The following GRIN2A variants were observed in gnomAD, a reference collection of about 807,000 sequenced individuals.
GRIN2A encodes the protein glutamate ionotropic receptor NMDA type subunit 2A.
In GRIN2A, 22 loss-of-function variants were observed where a neutral mutation model predicts 113.4. The ratio of observed to expected loss-of-function variants is 0.19; its 90% CI spans 0.14 to 0.28. The LOEUF is 0.28. GRIN2A is among the 10% of genes least tolerant of loss of function. The probability of loss-of-function intolerance (pLI) is 1.00; values close to 1 mark genes in which losing one functional copy is unlikely to be tolerated. For synonymous variants in GRIN2A, 827 were observed against 738.4 expected (o/e 1.12, Z -1.94); for missense variants, 1,502 against 1,887.0 (o/e 0.80, Z 3.78).
At chr16:10,057,108 T>C (rs1427346966) in intron 2 of GRIN2A, among the ~76,000 whole-genome samples, 4 of 151,582 alleles carry the variant, frequency 2.6e-5, no homozygotes, top group African/African-American at 9.8e-5. Flanking sequence ...TATCCACCCA[T>C]CCATCCATCA....
At position 9,974,258 on chromosome 16, in the gene GRIN2A, G is replaced by C. The variant is rs2045733121; in HGVS notation, c.415-35707C>G. Among the ~76,000 whole-genome samples, 5 of 152,168 alleles carry C rather than the reference G, an allele frequency of 3.3e-5. No individual in the cohort carries two copies. In the South Asian group the frequency reaches 1.0e-3, roughly 32 times the overall value. ...CAGTTAGCCTGGTGCCTAGGAACCA[G>C]ACCCAAAACCAAGGAACCAGACCCG... On this transcript the variant is annotated intron_variant, in intron 2 of 12. Coordinates refer to ENST00000330684, the MANE Select transcript of GRIN2A (RefSeq NM_001134407.3).
At chr16:10,012,576 C>T (rs1468431696) in intron 2 of GRIN2A, among the ~76,000 whole-genome samples, 1 of 152,168 alleles carries the variant, frequency 6.6e-6, no homozygotes, top group African/African-American at 2.4e-5. Flanking sequence ...TGTCCATGTC[C>T]TAATCCCTGG....
intron 2 of GRIN2A, among the ~76,000 whole-genome samples, chr16:9,940,982 G>A (rs1450002132): frequency 2.0e-5 from 3 of 152,072 alleles, no homozygotes; most frequent in African/African-American, 4.8e-5. Flanking sequence ...CTTGGGATGG[G>A]GCAAAAATGT....
At chr16:9,912,741 A>T (rs1485797920) in intron 3 of GRIN2A, among the ~76,000 whole-genome samples, 1 of 152,256 alleles carries the variant, frequency 6.6e-6, no homozygotes, top group African/African-American at 2.4e-5. Context: ...AGCCTGGAAC[A>T]TAGTAACTGA....
At chr16:10,087,336 C>T (rs577600484) in intron 2 of GRIN2A, among the ~76,000 whole-genome samples, 6 of 152,228 alleles carry the variant, frequency 3.9e-5, no homozygotes, top group Non-Finnish European at 8.8e-5. Context: ...TTGGAATCCT[C>T]GCCAATGTTG....
Position 9,755,812 on chromosome 16 carries a change from A to G in GRIN2A, c.*7337T>C, listed in dbSNP as rs990067507. The G allele has an allele frequency of 2.0e-5, 4 of 202,718 alleles. No individual in the cohort carries two copies. Among genetic ancestry groups the G allele is most frequent in the African/African-American group, 9.2e-5 (4 of 43,516 alleles). The allele number at this position is 202,718 out of a possible 1,614,324, so 12.6% of individuals were successfully genotyped here. The stretch of plus-strand genomic sequence containing the variant: ...GGACAGAATAACCGTCATTATCCTA[A>G]TGCTAAGTGAGCCGGGAATTATCTC... On this transcript the variant is annotated 3_prime_UTR_variant, in exon 13 of 13. Transcript: ENST00000330684.
chr16:10,161,362 C>G (rs2049805534), intron 2 of GRIN2A, among the ~76,000 whole-genome samples: 1 of 152,112 alleles, frequency 6.6e-6, no homozygotes, highest in Non-Finnish European at 1.5e-5. Flanking sequence ...TATAAATTAC[C>G]CAGTCTTGGG....
intron 10 of GRIN2A, among the ~76,000 whole-genome samples, chr16:9,813,536 G>A (rs1217615093): frequency 2.6e-5 from 3 of 114,968 alleles, no homozygotes; most frequent in Admixed American, 9.2e-5. Flanking sequence ...TTTTTTTTCC[G>A]TCTCTGAGTT....
At chr16:9,930,236 C>G (rs28375108) in intron 3 of GRIN2A, among the ~76,000 whole-genome samples, 1,871 of 152,252 alleles carry the variant, frequency 0.012, 42 homozygotes, top group African/African-American at 0.043. Flanking sequence ...AGAGTGCCGA[C>G]TATATCCTAG....
At chr16:10,128,635 C>T (rs992991429) in intron 2 of GRIN2A, among the ~76,000 whole-genome samples, 10 of 152,158 alleles carry the variant, frequency 6.6e-5, no homozygotes, top group South Asian at 2.1e-4. Flanking sequence ...CTTGCTGCTC[C>T]CCCTCTCTCC....
At chr16:10,055,092 AGAAAGAAAGAAAGAAAAAAG>A (rs2047431857) in intron 2 of GRIN2A, among the ~76,000 whole-genome samples, 7 of 76,370 alleles carry the variant, frequency 9.2e-5, no homozygotes, top group East Asian at 6.1e-4. Flanking sequence ...AAAAGAAAAA[AGAAAGAAAGAAAGAAAAAAG>A]AAAAAAAAAA....
intron 2 of GRIN2A, among the ~76,000 whole-genome samples, chr16:10,115,103 G>T (rs2048704532): frequency 6.6e-6 from 1 of 152,172 alleles, no homozygotes. Flanking sequence ...AAAATGTGCT[G>T]CTTTCAATGC....
At chr16:9,868,637 C>T (rs2043203239) in intron 4 of GRIN2A, among the ~76,000 whole-genome samples, 1 of 152,086 alleles carries the variant, frequency 6.6e-6, no homozygotes, top group Non-Finnish European at 1.5e-5. Flanking sequence ...TTTAATGGTT[C>T]CCCACTGCAG....
chr16:10,147,573 C>A (rs1001696329), intron 2 of GRIN2A, among the ~76,000 whole-genome samples: 12 of 149,796 alleles, frequency 8.0e-5, no homozygotes, highest in Admixed American at 1.3e-4. Context: ...TAGGGCAGAG[C>A]TTGCAGTGAG....
At chr16:10,143,295 T>G (rs1161470592) in intron 2 of GRIN2A, among the ~76,000 whole-genome samples, 4 of 152,200 alleles carry the variant, frequency 2.6e-5, no homozygotes, top group African/African-American at 9.7e-5. Context: ...TTCCAGTGTG[T>G]GGTATACTGA....
chr16:9,906,645 G>A (rs893207481), intron 3 of GRIN2A, among the ~76,000 whole-genome samples: 7 of 152,148 alleles, frequency 4.6e-5, no homozygotes, highest in African/African-American at 1.7e-4. Flanking sequence ...TCTCCTGGAG[G>A]CAAACAACTC....
chr16:10,090,395 T>A (rs941381458), intron 2 of GRIN2A, among the ~76,000 whole-genome samples: 1 of 152,198 alleles, frequency 6.6e-6, no homozygotes, highest in African/African-American at 2.4e-5. Context: ...ACACTGTCAA[T>A]TGATTTTTGA....
chr16:10,043,721 C>G lies in GRIN2A; in HGVS notation c.415-105170G>C, dbSNP rs186903886. Among the ~76,000 whole-genome samples, 10 of 152,110 alleles carry G rather than the reference C, an allele frequency of 6.6e-5. No individual in the cohort carries two copies. The East Asian group carries it at 1.9e-3, about 30-fold the overall frequency. Reference sequence around the variant, plus strand: ...TTCAAATTGTTTCAAGCATCTTAACCTGCCCCCATCAGCCAAGCTACCTCC... The same window carrying G: ...TTCAAATTGTTTCAAGCATCTTAACGTGCCCCCATCAGCCAAGCTACCTCC... On this transcript the variant is annotated intron_variant, in intron 2 of 12. Transcript: ENST00000330684.
At position 9,898,176 on chromosome 16, in the gene GRIN2A, G is replaced by T. The variant is rs1457132560; in HGVS notation, c.1008-7076C>A. 2.0e-5 allele frequency among the ~76,000 whole-genome samples: 3 copies of T among 150,686 alleles called. No homozygotes were observed. In the Admixed American group the frequency reaches 2.0e-4, roughly 10 times the overall value. The stretch of plus-strand genomic sequence containing the variant: ...CATAAAATGCCTAGCACAGTGCCTG[G>T]TATACAGCTATTAATAAATAGTAGT... On this transcript the variant is annotated intron_variant, in intron 3 of 12. Transcript: ENST00000330684.
Sources: gnomAD v4.1 joint callset for allele counts (sites outside exome capture counted in the v4.1 genomes callset) on GRCh38, gnomAD v4.1.1 for gene constraint, MANE v1.5 for transcripts, NCBI Gene and HGNC (gene_info 2026-07-23, HGNC 2026-07-21) for gene names.